ZNF438: variants seen among roughly 807,000 people sequenced by gnomAD.
The protein encoded by ZNF438 is zinc finger protein 438.
Under a neutral mutation model 38.0 loss-of-function variants are expected in ZNF438, and 25 were observed. The observed-to-expected ratio is 0.66, with a 90% CI of 0.48 to 0.92. ZNF438 has a LOEUF of 0.92. Ranked by LOEUF, ZNF438 falls within the 40% of genes least tolerant of loss-of-function variation. The pLI is 0.00. For missense variants in ZNF438, 1,007 were observed against 999.6 expected, an observed-to-expected ratio of 1.01 and a Z score of -0.10; for synonymous variants, 372 against 364.1, an observed-to-expected ratio of 1.02 and a Z score of -0.25.
intron 1 of ZNF438, among the ~76,000 whole-genome samples, chr10:31,005,760 AT>A (rs1413756742): frequency 1.3e-5 from 2 of 152,222 alleles, no homozygotes; most frequent in African/African-American, 4.8e-5. Flanking sequence ...AATATATACA[AT>A]AAAAAAATAG....
intron 1 of ZNF438, among the ~76,000 whole-genome samples, chr10:30,966,939 T>C (rs762265965): frequency 6.6e-6 from 1 of 152,186 alleles, no homozygotes; most frequent in Non-Finnish European, 1.5e-5. Context: ...AAAATTATCC[T>C]AGAAACTCTT....
chr10:31,010,945 A>T lies in ZNF438; in HGVS notation c.-192+20888T>A, dbSNP rs534559647. On this transcript the variant is annotated intron_variant, in intron 1 of 5. Coordinates refer to ENST00000413025, the Ensembl canonical transcript of ZNF438. ...AAAGATTTTGTTGAGAAGGACAGAC[A>T]GAACCTATGGTGTATAATTAGAACT... Among the ~76,000 whole-genome samples, 6 of 150,660 alleles carry T rather than the reference A, an allele frequency of 4.0e-5. No individual in the cohort carries two copies. In the East Asian group the frequency reaches 1.2e-3, roughly 29 times the overall value.
intron 3 of ZNF438, among the ~76,000 whole-genome samples, chr10:30,890,512 T>C (rs2040549828): frequency 6.6e-6 from 1 of 152,206 alleles, no homozygotes; most frequent in South Asian, 2.1e-4. Context: ...TCCTTCTCTA[T>C]TTTCTAAAGC....
intron 1 of ZNF438, among the ~76,000 whole-genome samples, chr10:30,942,793 T>C (rs2046954740): frequency 1.3e-5 from 2 of 152,228 alleles, no homozygotes; most frequent in Non-Finnish European, 1.5e-5. Context: ...TGTAGTCTTG[T>C]TTGCTGCACT....
chr10:30,969,751 C>T (rs1057127419), intron 1 of ZNF438, among the ~76,000 whole-genome samples: 1 of 152,108 alleles, frequency 6.6e-6, no homozygotes, highest in Non-Finnish European at 1.5e-5. Flanking sequence ...AACATAAAAA[C>T]CTCATACTCC....
At chr10:30,985,270 A>G (rs2052641113) in intron 1 of ZNF438, among the ~76,000 whole-genome samples, 1 of 152,218 alleles carries the variant, frequency 6.6e-6, no homozygotes, top group Non-Finnish European at 1.5e-5. Flanking sequence ...CTCCCTGCTC[A>G]TGGCTAGCTT....
intron 1 of ZNF438, among the ~76,000 whole-genome samples, chr10:30,990,341 A>G (rs537751784): frequency 1.5e-4 from 23 of 152,232 alleles, no homozygotes; most frequent in Non-Finnish European, 2.5e-4. Context: ...ACCTTAATGA[A>G]CAAATAGATA....
intron 1 of ZNF438, among the ~76,000 whole-genome samples, chr10:31,030,190 C>G (rs1173709266): frequency 6.6e-6 from 1 of 152,204 alleles, no homozygotes; most frequent in Non-Finnish European, 1.5e-5. Flanking sequence ...CCTCACACTT[C>G]AAGTGTCCCT....
chr10:30,865,127 G>A (rs547588343), intron 4 of ZNF438, among the ~76,000 whole-genome samples: 6 of 152,318 alleles, frequency 3.9e-5, no homozygotes, highest in Non-Finnish European at 8.8e-5. Flanking sequence ...ACCGGTGAGT[G>A]CCACATAATC....
intron 2 of ZNF438, among the ~76,000 whole-genome samples, chr10:30,917,986 A>AT (rs2043843476): frequency 1.3e-5 from 2 of 152,146 alleles, no homozygotes; most frequent in Non-Finnish European, 2.9e-5. Context: ...TGCATGATGC[A>AT]AGACAGAAAT....
intron 3 of ZNF438, among the ~76,000 whole-genome samples, chr10:30,907,453 A>AG (rs1410632125): frequency 2.6e-5 from 4 of 152,186 alleles, no homozygotes; most frequent in Non-Finnish European, 5.9e-5. Context: ...ATTCTTTTCT[A>AG]AATTTTTGGT....
intron 3 of ZNF438, among the ~76,000 whole-genome samples, chr10:30,895,579 AGAAT>A (rs574161551): frequency 4.3e-4 from 65 of 152,362 alleles, no homozygotes; most frequent in African/African-American, 1.5e-3. Flanking sequence ...GGCAACTTAT[AGAAT>A]GAAAGAAAAT....
chr10:30,906,784 T>TA (rs1369003733), intron 3 of ZNF438, among the ~76,000 whole-genome samples: 12 of 152,328 alleles, frequency 7.9e-5, no homozygotes, highest in African/African-American at 2.4e-4. Flanking sequence ...AAAAGGGACT[T>TA]AGATTTTGTC....
At chr10:30,855,910 A>T (rs376395656) in intron 4 of ZNF438, among the ~76,000 whole-genome samples, 2 of 152,238 alleles carry the variant, frequency 1.3e-5, no homozygotes, top group East Asian at 3.8e-4. Flanking sequence ...ACCTGGAGGA[A>T]CTAAGAAGTC....
At chr10:30,924,702 T>C (rs2044710292) in intron 2 of ZNF438, among the ~76,000 whole-genome samples, 1 of 152,170 alleles carries the variant, frequency 6.6e-6, no homozygotes, top group African/African-American at 2.4e-5. Context: ...ACAAAAGACT[T>C]GACCACTATT....
At chr10:30,862,202 T>A (rs550609094) in intron 4 of ZNF438, among the ~76,000 whole-genome samples, 3 of 152,176 alleles carry the variant, frequency 2.0e-5, no homozygotes, top group African/African-American at 7.2e-5. Flanking sequence ...ATGGGGCTGG[T>A]GAACATGGAA....
In ZNF438 at chr10:30,857,268, T is replaced by C. The variant is rs577498342; in HGVS notation, c.38-6901A>G. Among the ~76,000 whole-genome samples the C allele has an allele frequency of 5.9e-5, 9 of 151,396 alleles. No homozygotes were observed. The South Asian group carries it at 1.9e-3, about 32-fold the overall frequency. Reference sequence around the variant, plus strand: ...CATATTCTAAAATTTCTTTTTTTTTTTTTTTTGAGACACAGTCTTGCTGTC... The same window carrying C: ...CATATTCTAAAATTTCTTTTTTTTTCTTTTTTGAGACACAGTCTTGCTGTC... On this transcript the variant is annotated intron_variant, in intron 4 of 5. Transcript: ENST00000413025.
chr10:30,881,551 CAATTCTCTTCAAAT>C (rs2039261619), intron 3 of ZNF438, among the ~76,000 whole-genome samples: 1 of 152,066 alleles, frequency 6.6e-6, no homozygotes, highest in Non-Finnish European at 1.5e-5. Context: ...GTTAAAATGG[CAATTCTCTTCAAAT>C]AAATATATAA....
exon 6 of ZNF438, chr10:30,844,886 A>G: frequency 1.3e-6 from 2 of 1,518,256 alleles, no homozygotes; most frequent in South Asian, 2.6e-5. Flanking sequence ...GTGACTAAGC[A>G]CCACCATAAA....
Sources: allele counts gnomAD v4.1 joint callset (sites outside exome capture counted in the v4.1 genomes callset), GRCh38; gene constraint gnomAD v4.1.1; transcripts MANE v1.5; gene names NCBI Gene and HGNC (gene_info 2026-07-23, HGNC 2026-07-21).